GPM6B: variants seen among roughly 807,000 people sequenced by gnomAD.
GPM6B encodes glycoprotein M6B.
In GPM6B, 4 loss-of-function variants were observed where a neutral mutation model predicts 27.2. That is an observed-to-expected ratio of 0.15 (90% CI 0.07 to 0.34). GPM6B has a LOEUF of 0.34. Ranked by LOEUF, GPM6B falls within the 10% of genes least tolerant of loss-of-function variation. GPM6B has a pLI of 1.00. For synonymous variants in GPM6B, 124 were observed against 103.1 expected (o/e 1.20, Z -1.23); for missense variants, 183 against 261.9 (o/e 0.70, Z 2.08).
chrX:13,817,307 C>A (rs1980517530), upstream of GPM6B: 3 of 753,434 alleles, frequency 4.0e-6, no homozygotes, highest in African/African-American at 4.6e-5. Flanking sequence ...CTCGATCTCT[C>A]TCTCTCTCTC....
At position 13,861,053 on chromosome X, in the gene GPM6B, T is replaced by TATACACAC. The variant is rs1569267396; in HGVS notation, c.-197-75246_-197-75245insGTGTGTAT. Among the ~76,000 whole-genome samples, 3 of 105,562 alleles carry TATACACAC rather than the reference T, an allele frequency of 2.8e-5. No homozygotes were observed. The East Asian group carries it at 8.8e-4, about 31-fold the overall frequency. 91.7% of individuals were successfully genotyped at this position (105,562 alleles called of 115,157 possible). ...ACACACACACACACACATATATACA[T>TATACACAC]ATATATACACATACATATATATACA... On this transcript the variant is annotated intron_variant, in intron 1 of 6. Transcript: ENST00000398361.
intron 1 of GPM6B, among the ~76,000 whole-genome samples, chrX:13,858,492 T>C (rs1412022973): frequency 9.0e-6 from 1 of 111,492 alleles, no homozygotes; most frequent in African/African-American, 3.3e-5. Context: ...AACTCAGAAT[T>C]GGAAGAGGAC....
At chrX:13,829,281 G>A (rs2049411206) in intron 1 of GPM6B, among the ~76,000 whole-genome samples, 1 of 111,443 alleles carries the variant, frequency 9.0e-6, no homozygotes, top group African/African-American at 3.3e-5. Context: ...CCAGCCTTAT[G>A]ATACCATGTG....
At chrX:13,927,657 T>C (rs1428827036) in intron 1 of GPM6B, among the ~76,000 whole-genome samples, 1 of 112,510 alleles carries the variant, frequency 8.9e-6, no homozygotes, top group Non-Finnish European at 1.9e-5. Context: ...TACAGGAAAC[T>C]AATTGGGAGG....
chrX:13,894,773 G>A (rs1483236044), intron 1 of GPM6B, among the ~76,000 whole-genome samples: 2 of 112,285 alleles, frequency 1.8e-5, no homozygotes, highest in Admixed American at 1.9e-4. Flanking sequence ...CACTTTACAT[G>A]TTATATCTTG....
At position 13,785,957 on chromosome X, in the gene GPM6B, C is replaced by A. The variant is rs1021616804; in HGVS notation, c.182-149G>T. ...TATTAATACTTCGACATCCCAAGGG[C>A]CAGTGTGGTAGTTACCGTGATCTCA... On this transcript the variant is annotated intron_variant, in intron 2 of 7. Coordinates refer to ENST00000316715, the MANE Select transcript of GPM6B (RefSeq NM_001001995.3). 1.5e-5 allele frequency: 7 copies of A among 467,622 alleles called. No individual in the cohort carries two copies. The South Asian group carries it at 3.0e-4, about 20-fold the overall frequency. The allele number at this position is 467,622 out of a possible 1,213,427, so 38.5% of individuals were successfully genotyped here. A position where few individuals can be genotyped will look rare whatever the true frequency, so the allele number is the denominator to read the frequency against.
At chrX:13,876,549 T>G (rs2050034980) in intron 1 of GPM6B, among the ~76,000 whole-genome samples, 1 of 111,969 alleles carries the variant, frequency 8.9e-6, no homozygotes, top group Non-Finnish European at 1.9e-5. Flanking sequence ...TTAAGCTGTT[T>G]ATGAGAAACA....
intron 1 of GPM6B, among the ~76,000 whole-genome samples, chrX:13,843,237 T>C (rs993316608): frequency 8.9e-6 from 1 of 112,096 alleles, no homozygotes; most frequent in Non-Finnish European, 1.9e-5. Context: ...TACTTAATGT[T>C]TTCAAGGGTC....
At chrX:13,812,168 G>T (rs2049148085) in intron 1 of GPM6B, among the ~76,000 whole-genome samples, 1 of 104,639 alleles carries the variant, frequency 9.6e-6, no homozygotes. Context: ...TCCTGCCTCA[G>T]CCTCCTGAGT....
chrX:13,799,004 G>A (rs1462692300), intron 2 of GPM6B, among the ~76,000 whole-genome samples: 3 of 111,102 alleles, frequency 2.7e-5, no homozygotes, highest in Non-Finnish European at 5.7e-5. Flanking sequence ...CTGATGCCTG[G>A]GTCCCACCCT....
At chrX:13,920,527 G>A (rs140809964) in intron 1 of GPM6B, among the ~76,000 whole-genome samples, 1,854 of 110,795 alleles carry the variant, frequency 0.017, 45 homozygotes, top group African/African-American at 0.057. Flanking sequence ...AACACGATAC[G>A]TAAACCAGCC....
intron 4 of GPM6B, among the ~76,000 whole-genome samples, chrX:13,780,664 G>C: frequency 8.9e-6 from 1 of 112,178 alleles, no homozygotes; most frequent in Non-Finnish European, 1.9e-5. Context: ...CAACGGCTTA[G>C]GGAAAAAGCT....
At chrX:13,776,510 C>T (rs761678551) in intron 6 of GPM6B, among the ~76,000 whole-genome samples, 2 of 111,667 alleles carry the variant, frequency 1.8e-5, no homozygotes, top group African/African-American at 6.5e-5. Flanking sequence ...CCCCCCAAAT[C>T]GATTAAATCT....
chrX:13,828,491 A>AT (rs1021296376), intron 1 of GPM6B, among the ~76,000 whole-genome samples: 6 of 110,459 alleles, frequency 5.4e-5, no homozygotes, highest in Non-Finnish European at 1.1e-4. Context: ...GTAAGAAATA[A>AT]TTTTTTTTTC....
chrX:13,815,190 G>T (rs1206293966), intron 1 of GPM6B, among the ~76,000 whole-genome samples: 1 of 111,710 alleles, frequency 9.0e-6, no homozygotes, highest in Non-Finnish European at 1.9e-5. Context: ...TTTAAAAAAG[G>T]GATTTTTTTG....
At chrX:13,829,738 T>G (rs2049417119) in intron 1 of GPM6B, among the ~76,000 whole-genome samples, 1 of 111,168 alleles carries the variant, frequency 9.0e-6, no homozygotes, top group African/African-American at 3.3e-5. Context: ...AATAAGATAA[T>G]GGGATTAAAA....
intron 1 of GPM6B, among the ~76,000 whole-genome samples, chrX:13,836,781 G>C (rs934321536): frequency 4.5e-5 from 5 of 112,281 alleles, no homozygotes; most frequent in African/African-American, 1.6e-4. Context: ...TGCCTCCAAT[G>C]ACTCATGCGA....
chrX:13,786,311 T>C (rs1363938352), intron 2 of GPM6B, among the ~76,000 whole-genome samples: 1 of 112,206 alleles, frequency 8.9e-6, no homozygotes, highest in Non-Finnish European at 1.9e-5. Context: ...CCCCAAGCCC[T>C]GGACCTCCGG....
At chrX:13,822,325 AAATT>A (rs1168588563), upstream of GPM6B, among the ~76,000 whole-genome samples, 3 of 111,612 alleles carry the variant, frequency 2.7e-5, no homozygotes, top group Admixed American at 9.5e-5. Flanking sequence ...AATTATAAAT[AAATT>A]GTGCTTAAAA....
Sources: allele counts gnomAD v4.1 joint callset (sites outside exome capture counted in the v4.1 genomes callset), GRCh38; gene constraint gnomAD v4.1.1; transcripts MANE v1.5; gene names NCBI Gene and HGNC (gene_info 2026-07-23, HGNC 2026-07-21).